NRG1: variants seen among roughly 807,000 people sequenced by gnomAD.
NRG1 encodes pro-neuregulin-1, membrane-bound isoform.
A neutral mutation model predicts 63.8 loss-of-function variants in NRG1; 18 were observed. The observed-to-expected ratio is 0.28, with a 90% confidence interval of 0.19 to 0.42. NRG1 has a LOEUF of 0.42. NRG1 is among the 10% of genes least tolerant of loss of function. The pLI is 1.00. For synonymous variants in NRG1, 302 were observed against 301.3 expected (o/e 1.00, Z -0.02); for missense variants, 762 against 814.7 (o/e 0.94, Z 0.79).
At chr8:32,557,404 T>C (rs578218760) in intron 1 of NRG1, among the ~76,000 whole-genome samples, 1 of 152,352 alleles carries the variant, frequency 6.6e-6, no homozygotes, top group South Asian at 2.1e-4. Flanking sequence ...AAGTACAGTA[T>C]TGGGATTATG....
chr8:31,867,181 C>T (rs1829035939), intron 1 of NRG1, among the ~76,000 whole-genome samples: 1 of 152,128 alleles, frequency 6.6e-6, no homozygotes, highest in African/African-American at 2.4e-5. Flanking sequence ...TTTTATTCAA[C>T]TCAGAACTGC....
At chr8:32,251,793 C>T (rs1387438432) in intron 1 of NRG1, among the ~76,000 whole-genome samples, 1 of 152,134 alleles carries the variant, frequency 6.6e-6, no homozygotes, top group African/African-American at 2.4e-5. Context: ...TTGCATTTCT[C>T]TAATGACCAG....
chr8:31,980,363 T>C (rs1429743023), intron 1 of NRG1, among the ~76,000 whole-genome samples: 3 of 152,100 alleles, frequency 2.0e-5, no homozygotes, highest in African/African-American at 7.2e-5. Flanking sequence ...GTAATTTTAT[T>C]TCCTCTTTCT....
rs756341026 is a variant in NRG1 at position 32,595,884 on chromosome 8, C to T, written c.157C>T (p.Leu53=). 3.1e-5 allele frequency: 50 copies of T among 1,611,646 alleles called. No homozygotes were observed. The South Asian group carries it at 5.4e-4, about 17-fold the overall frequency. ...CCAGGAATCGGCTGCAGGTTCCAAA[C>T]TAGTCCTTCGGTGTGAAACCAGTTC... is the stretch of plus-strand genomic sequence containing the variant. Residue 53 remains leucine (L), a synonymous_variant, in exon 2 of 12, where the codon CTA becomes TTA. Transcript: ENST00000356819.
chr8:32,061,311 C>T (rs1300931928), intron 1 of NRG1, among the ~76,000 whole-genome samples: 1 of 151,938 alleles, frequency 6.6e-6, no homozygotes, highest in Non-Finnish European at 1.5e-5. Flanking sequence ...TATTATGATA[C>T]TCACCTCTGA....
Position 31,663,899 on chromosome 8 carries a change from G to A in NRG1, c.37+24468G>A, listed in dbSNP as rs529915830. 6.6e-5 allele frequency among the ~76,000 whole-genome samples: 10 copies of A among 152,262 alleles called. No individual in the cohort carries two copies. In the South Asian group the frequency reaches 1.9e-3, roughly 28 times the overall value. Reference sequence around the variant, plus strand: ...GAAAAAATGAGAGAGAAAGCAAAGAGAGTAGGTAACTGTACTCAGCTTTAT... The same window carrying A: ...GAAAAAATGAGAGAGAAAGCAAAGAAAGTAGGTAACTGTACTCAGCTTTAT... On this transcript the variant is annotated intron_variant, in intron 1 of 10. Transcript: ENST00000519301.
chr8:32,373,378 A>G (rs1427579253), intron 1 of NRG1, among the ~76,000 whole-genome samples: 1 of 152,238 alleles, frequency 6.6e-6, no homozygotes, highest in Admixed American at 6.5e-5. Context: ...AAATATGCAC[A>G]TCCATCTTTC....
intron 1 of NRG1, among the ~76,000 whole-genome samples, chr8:32,061,241 C>A (rs1192484453): frequency 6.6e-6 from 1 of 151,870 alleles, no homozygotes; most frequent in African/African-American, 2.4e-5. Flanking sequence ...TCTTTGATAA[C>A]ATGTCTTTAA....
At chr8:31,660,022 C>T (rs982409677) in intron 1 of NRG1, among the ~76,000 whole-genome samples, 1 of 152,180 alleles carries the variant, frequency 6.6e-6, no homozygotes, top group Admixed American at 6.5e-5. Flanking sequence ...CGGAATTTGC[C>T]CAAGACACAC....
At chr8:31,661,753 T>A (rs894066789) in intron 1 of NRG1, among the ~76,000 whole-genome samples, 16 of 152,314 alleles carry the variant, frequency 1.1e-4, no homozygotes, top group African/African-American at 3.8e-4. Context: ...CTCAACAAAA[T>A]GTTAAAAGTC....
At chr8:32,337,626 T>C (rs1329788401) in intron 1 of NRG1, among the ~76,000 whole-genome samples, 1 of 69,536 alleles carries the variant, frequency 1.4e-5, no homozygotes. Context: ...AGACCCTAAG[T>C]GGCTGAAGGA....
chr8:32,536,123 G>T (rs1350838875), intron 1 of NRG1, among the ~76,000 whole-genome samples: 1 of 152,162 alleles, frequency 6.6e-6, no homozygotes, highest in Non-Finnish European at 1.5e-5. Context: ...ACACTTTGTA[G>T]GTCAGAAGTC....
chr8:31,730,617 G>C (rs1448587488), intron 1 of NRG1, among the ~76,000 whole-genome samples: 1 of 152,070 alleles, frequency 6.6e-6, no homozygotes, highest in Non-Finnish European at 1.5e-5. Flanking sequence ...GCAAAACATA[G>C]AAGGATTATA....
intron 1 of NRG1, among the ~76,000 whole-genome samples, chr8:31,691,469 A>AC (rs1809501246): frequency 6.6e-6 from 1 of 151,402 alleles, no homozygotes; most frequent in African/African-American, 2.4e-5. Flanking sequence ...GTGGCGGGCA[A>AC]CTGTAGTCCC....
intron 1 of NRG1, among the ~76,000 whole-genome samples, chr8:31,845,590 A>G (rs1826613653): frequency 6.6e-6 from 1 of 152,156 alleles, no homozygotes; most frequent in South Asian, 2.1e-4. Context: ...AAGCATCATG[A>G]ATTTAGGAGA....
intron 1 of NRG1, among the ~76,000 whole-genome samples, chr8:32,034,338 T>C (rs1034953056): frequency 2.6e-5 from 4 of 152,248 alleles, no homozygotes; most frequent in Non-Finnish European, 5.9e-5. Context: ...GATGTACTGC[T>C]GGATTCAGTT....
chr8:31,815,045 C>T (rs1174513688), intron 1 of NRG1, among the ~76,000 whole-genome samples: 1 of 152,086 alleles, frequency 6.6e-6, no homozygotes, highest in African/African-American at 2.4e-5. Flanking sequence ...GCAAAAGGTA[C>T]AGGTTTGTTT....
At chr8:32,744,315 C>G (rs964934240) in intron 7 of NRG1, among the ~76,000 whole-genome samples, 2 of 152,048 alleles carry the variant, frequency 1.3e-5, no homozygotes. Flanking sequence ...TCAAAGACAA[C>G]TTCGTAGGCC....
chr8:31,913,842 T>C (rs1833148911), intron 1 of NRG1, among the ~76,000 whole-genome samples: 1 of 152,198 alleles, frequency 6.6e-6, no homozygotes, highest in Non-Finnish European at 1.5e-5. Flanking sequence ...CTTCAGTTTT[T>C]AATATCAGCC....
Sources: gnomAD v4.1 joint callset for allele counts (sites outside exome capture counted in the v4.1 genomes callset) on GRCh38, gnomAD v4.1.1 for gene constraint, MANE v1.5 for transcripts, NCBI Gene and HGNC (gene_info 2026-07-23, HGNC 2026-07-21) for gene names.